Variants in C10orf90 observed in about 807,000 individuals in gnomAD.
The protein encoded by C10orf90 is (E2-independent) E3 ubiquitin-conjugating enzyme FATS.
C10orf90 carries 56 observed loss-of-function variants against 62.5 expected under a neutral mutation model. The observed-to-expected ratio is 0.90, with a 90% CI of 0.72 to 1.12. The LOEUF (loss-of-function observed/expected upper bound fraction) is 1.12. Ranked by LOEUF, C10orf90 falls within the 50% of genes most tolerant of loss-of-function variation. The pLI is 0.00. For missense variants in C10orf90, 970 were observed against 880.4 expected, an observed-to-expected ratio of 1.10 and a Z score of -1.29; for synonymous variants, 386 against 340.4, an observed-to-expected ratio of 1.13 and a Z score of -1.47.
intron 7 of C10orf90, among the ~76,000 whole-genome samples, chr10:126,431,648 G>T (rs1442881695): frequency 6.6e-6 from 1 of 152,186 alleles, no homozygotes; most frequent in Non-Finnish European, 1.5e-5. Flanking sequence ...CAATCCTCAT[G>T]GGCTACTCAA....
chr10:126,510,069 T>C (rs1412518705), intron 3 of C10orf90, among the ~76,000 whole-genome samples: 2 of 152,196 alleles, frequency 1.3e-5, no homozygotes, highest in African/African-American at 2.4e-5. Context: ...GTCTGGGTCC[T>C]AATCTTTTCT....
chr10:126,442,617 C>T (rs1424990271), intron 7 of C10orf90, among the ~76,000 whole-genome samples: 2 of 106,806 alleles, frequency 1.9e-5, no homozygotes, highest in Non-Finnish European at 3.8e-5. Flanking sequence ...AAGTTCCCTA[C>T]TATTATTGTG....
chr10:126,569,452 A>G (rs1844460520), intron 2 of C10orf90, among the ~76,000 whole-genome samples: 1 of 152,198 alleles, frequency 6.6e-6, no homozygotes, highest in Non-Finnish European at 1.5e-5. Context: ...GAGAGAGACC[A>G]AGAGAGACTG....
intron 2 of C10orf90, among the ~76,000 whole-genome samples, chr10:126,600,818 T>A (rs2134040663): frequency 6.6e-6 from 1 of 152,212 alleles, no homozygotes; most frequent in African/African-American, 2.4e-5. Flanking sequence ...ACACTGAGGA[T>A]CCAGGAATCC....
At chr10:126,458,079 AAGG>A (rs1201917770) in intron 7 of C10orf90, among the ~76,000 whole-genome samples, 2 of 152,046 alleles carry the variant, frequency 1.3e-5, no homozygotes, top group East Asian at 3.9e-4. Flanking sequence ...TGGTGGAGAG[AAGG>A]AGACTTAGCC....
intron 2 of C10orf90, among the ~76,000 whole-genome samples, chr10:126,532,870 A>AAAAAAAAAAAAAAAATAGC (rs1864140445): frequency 6.9e-6 from 1 of 145,234 alleles, no homozygotes; most frequent in Non-Finnish European, 1.5e-5. Flanking sequence ...GTGAGCACAA[A>AAAAAAAAAAAAAAAATAGC]ACAAGTGTTT....
chr10:126,492,300 C>G (rs1861809250), intron 4 of C10orf90, among the ~76,000 whole-genome samples: 1 of 152,106 alleles, frequency 6.6e-6, no homozygotes, highest in African/African-American at 2.4e-5. Context: ...GGGATGTTGC[C>G]AAGCATCCTT....
At chr10:126,532,062 C>T (rs1370542501) in intron 2 of C10orf90, among the ~76,000 whole-genome samples, 1 of 152,136 alleles carries the variant, frequency 6.6e-6, no homozygotes, top group African/African-American at 2.4e-5. Context: ...GCAGTTGCCC[C>T]CCACATCCAG....
intron 4 of C10orf90, chr10:126,496,611 T>G: frequency 1.0e-6 from 1 of 973,512 alleles, no homozygotes; most frequent in Non-Finnish European, 1.2e-6. Flanking sequence ...ACTTCAATTT[T>G]AAACCAAGTG....
At chr10:126,638,275 T>C (rs78101090) in intron 2 of C10orf90, among the ~76,000 whole-genome samples, 2 of 152,118 alleles carry the variant, frequency 1.3e-5, no homozygotes, top group Non-Finnish European at 2.9e-5. Flanking sequence ...GGGCTGGTCA[T>C]GAGCCAGGGA....
At chr10:126,433,001 A>G (rs1413209090) in intron 7 of C10orf90, among the ~76,000 whole-genome samples, 4 of 152,180 alleles carry the variant, frequency 2.6e-5, no homozygotes, top group Non-Finnish European at 5.9e-5. Flanking sequence ...TCTTCAGAAC[A>G]TGAACTGGGT....
intron 7 of C10orf90, among the ~76,000 whole-genome samples, chr10:126,446,691 T>G (rs1858805078): frequency 6.6e-6 from 1 of 152,104 alleles, no homozygotes; most frequent in African/African-American, 2.4e-5. Context: ...TACAAAAATA[T>G]AAAACTTACT....
intron 3 of C10orf90, among the ~76,000 whole-genome samples, chr10:126,508,758 CAG>C (rs916596573): frequency 2.8e-4 from 42 of 152,260 alleles, no homozygotes; most frequent in Non-Finnish European, 5.1e-4. Context: ...AAGGAGAAAA[CAG>C]GGGTGGTTCT....
intron 2 of C10orf90, among the ~76,000 whole-genome samples, chr10:126,626,267 AC>A (rs1422211722): frequency 1.3e-5 from 2 of 151,682 alleles, no homozygotes; most frequent in African/African-American, 4.9e-5. Flanking sequence ...TGCTCTGTCC[AC>A]CCCCTCAGGA....
Position 126,513,929 on chromosome 10 carries a change from G to A in C10orf90, c.324C>T (p.Asp108=). The A allele has an allele frequency of 6.2e-7, 1 of 1,611,824 alleles. No individual in the cohort carries two copies. The highest frequency in any genetic ancestry group is 8.5e-7 in the Non-Finnish European group (1 of 1,178,618). Residue 108 remains aspartate, a synonymous_variant, in exon 3 of 10, where the codon GAC becomes GAT. Transcript: ENST00000488181. ...NESLSNAGLR[D]SYHSRRDQIA... ...TTTGATCTCTTCTACTGTGGTAGCT[G>A]TCCCGTAATCCTAGGCAAAAGAAGA... is the stretch of plus-strand genomic sequence containing the variant.
At chr10:126,596,080 A>T (rs1845078972) in intron 2 of C10orf90, among the ~76,000 whole-genome samples, 1 of 151,616 alleles carries the variant, frequency 6.6e-6, no homozygotes, top group African/African-American at 2.4e-5. Flanking sequence ...AAAACTACTA[A>T]CCATGAAAGA....
chr10:126,512,811 G>A (rs1480942922), intron 3 of C10orf90, among the ~76,000 whole-genome samples: 1 of 152,116 alleles, frequency 6.6e-6, no homozygotes, highest in Non-Finnish European at 1.5e-5. Context: ...CTTTCACATA[G>A]AAAGGAATTT....
At chr10:126,603,041 T>G (rs1845230997) in intron 2 of C10orf90, among the ~76,000 whole-genome samples, 5 of 143,630 alleles carry the variant, frequency 3.5e-5, no homozygotes, top group Admixed American at 7.0e-5. Flanking sequence ...AGAGAGGGAG[T>G]GGACAGGTGC....
intron 2 of C10orf90, among the ~76,000 whole-genome samples, chr10:126,521,689 G>T (rs1591064652): frequency 6.6e-6 from 1 of 152,288 alleles, no homozygotes; most frequent in East Asian, 1.9e-4. Flanking sequence ...ACGTCACACT[G>T]GTGATTAATC....
Sources: allele counts gnomAD v4.1 joint callset (sites outside exome capture counted in the v4.1 genomes callset), GRCh38; gene constraint gnomAD v4.1.1; transcripts MANE v1.5; gene names NCBI Gene and HGNC (gene_info 2026-07-23, HGNC 2026-07-21).